DNAJC17: variants seen among roughly 807,000 people sequenced by gnomAD.
DNAJC17 encodes dnaJ homolog subfamily C member 17.
A neutral mutation model predicts 48.1 loss-of-function variants in DNAJC17; 35 were observed. That is an observed-to-expected ratio of 0.73 (90% confidence interval 0.56 to 0.96). The LOEUF is 0.96. DNAJC17 is among the 50% of genes least tolerant of loss of function. The pLI, the probability that DNAJC17 is intolerant of heterozygous loss-of-function variation, is 0.00. For missense variants in DNAJC17, 355 were observed against 377.1 expected (o/e 0.94, Z 0.48); for synonymous variants, 117 against 142.7 (o/e 0.82, Z 1.28).
chr15:40,805,914 A>G (rs1596106668), intron 1 of DNAJC17, among the ~76,000 whole-genome samples: 1 of 77,050 alleles, frequency 1.3e-5, no homozygotes, highest in Non-Finnish European at 3.5e-5. Context: ...TACTATCCAG[A>G]AAAAAAAAAT....
chr15:40,785,092 C>G (rs1329088987), intron 1 of DNAJC17, among the ~76,000 whole-genome samples: 2 of 151,892 alleles, frequency 1.3e-5, no homozygotes, highest in Non-Finnish European at 1.5e-5. Context: ...GAGTGAAAGT[C>G]CATAACAACA....
chr15:40,796,655 G>A (rs1310624449), intron 1 of DNAJC17, among the ~76,000 whole-genome samples: 1 of 152,202 alleles, frequency 6.6e-6, no homozygotes, highest in Non-Finnish European at 1.5e-5. Flanking sequence ...CTGGTGGGAA[G>A]GTTAAATGGC....
intron 1 of DNAJC17, among the ~76,000 whole-genome samples, chr15:40,785,359 A>G (rs1025649413): frequency 6.6e-6 from 1 of 152,192 alleles, no homozygotes; most frequent in South Asian, 2.1e-4. Context: ...ATGGTTCACT[A>G]AAAGAGGGCA....
intron 1 of DNAJC17, among the ~76,000 whole-genome samples, chr15:40,791,421 G>A (rs1386614805): frequency 2.0e-5 from 3 of 151,982 alleles, no homozygotes; most frequent in African/African-American, 7.3e-5. Flanking sequence ...CCAGCTACTC[G>A]GGAGGCTGAG....
intron 1 of DNAJC17, among the ~76,000 whole-genome samples, chr15:40,788,154 C>T (rs1889691384): frequency 6.6e-6 from 1 of 152,194 alleles, no homozygotes; most frequent in Non-Finnish European, 1.5e-5. Context: ...CACGTCTCCC[C>T]AAGCCCGGAG....
intron 1 of DNAJC17, among the ~76,000 whole-genome samples, chr15:40,791,406 T>C (rs1889801288): frequency 6.6e-6 from 1 of 151,940 alleles, no homozygotes; most frequent in Non-Finnish European, 1.5e-5. Flanking sequence ...CGTGTGCCTG[T>C]AGACCCAGCT....
chr15:40,768,189 A>T (rs1596069700), intron 10 of DNAJC17, 127 bp from the exon 11 acceptor site: 1 of 1,260,266 alleles, frequency 7.9e-7, no homozygotes, highest in East Asian at 2.9e-5. Context: ...GAGGAAGGGA[A>T]GGAACCCGGA....
At chr15:40,800,507 TACAG>T (rs776993259) in intron 1 of DNAJC17, among the ~76,000 whole-genome samples, 3 of 151,740 alleles carry the variant, frequency 2.0e-5, no homozygotes, top group African/African-American at 4.8e-5. Context: ...TTAATTTTTT[TACAG>T]ACAGAGTTTC....
chr15:40,787,711 T>C (rs1258808433), intron 1 of DNAJC17, among the ~76,000 whole-genome samples: 1 of 152,042 alleles, frequency 6.6e-6, no homozygotes, highest in Non-Finnish European at 1.5e-5. Context: ...GGAAGCTGGG[T>C]CTCTAGCCAC....
chr15:40,765,542 G>A lies in DNAJC17; in HGVS notation c.*2398C>T. The A allele has an allele frequency of 4.0e-6, 1 of 248,354 alleles. No homozygotes were observed. The highest frequency in any genetic ancestry group is 7.6e-6 in the Non-Finnish European group (1 of 130,908). 15.4% of individuals were successfully genotyped at this position (248,354 alleles called of 1,614,324 possible). ...GCCTCAAACTCCTCCCACCTCAAGCGATCCTCCCACCTCAGCCTCAGTAGC... is the reference window on the plus strand; with the variant it reads ...GCCTCAAACTCCTCCCACCTCAAGCAATCCTCCCACCTCAGCCTCAGTAGC... On this transcript the variant is annotated 3_prime_UTR_variant, in exon 11 of 11. Transcript: ENST00000220496.
At chr15:40,771,241 C>T (rs531074376) in intron 10 of DNAJC17, 19 of 583,146 alleles carry the variant, frequency 3.3e-5, no homozygotes, top group African/African-American at 2.4e-4. Flanking sequence ...GGGACAGAGG[C>T]AATCTGGAAA....
intron 6 of DNAJC17, 36 bp downstream of exon 6, chr15:40,776,160 C>T (rs1889312299): frequency 6.2e-7 from 1 of 1,603,998 alleles, no homozygotes; most frequent in Non-Finnish European, 8.5e-7. Flanking sequence ...CTGGAGCTAC[C>T]TTGGAGGGGA....
rs1345860469 is a variant in DNAJC17 at position 40,770,588 on chromosome 15, T to C, written c.793-2526A>G. On this transcript the variant is annotated intron_variant, in intron 10 of 10. Transcript: ENST00000220496. This position sits in a 1 kb window ranked among gnomAD's most constrained non-coding sequence, Gnocchi z 5.0. ...CACGGCGGCTCCGGCGACAGAGTAGTGTGCTTAGCCAGGCCAGCACAGCAG... is the reference window on the plus strand; with the variant it reads ...CACGGCGGCTCCGGCGACAGAGTAGCGTGCTTAGCCAGGCCAGCACAGCAG... 7 of 1,550,664 alleles carry C rather than the reference T, an allele frequency of 4.5e-6. No homozygotes were observed. Among genetic ancestry groups the C allele is most frequent in the Non-Finnish European group, 6.1e-6 (7 of 1,146,962 alleles).
Position 40,767,206 on chromosome 15 carries a change from C to A in DNAJC17, c.*734G>T, listed in dbSNP as rs755145154. ...TTGCTGTGTGCCCCTCCTCACCCCC[C>A]CCATCCTGTCTCTTTGCAGTTATGA... On this transcript the variant is annotated 3_prime_UTR_variant, in exon 11 of 11. Coordinates refer to ENST00000220496, the MANE Select transcript of DNAJC17 (RefSeq NM_018163.3). 7 of 1,486,708 alleles carry A rather than the reference C, an allele frequency of 4.7e-6. No individual in the cohort carries two copies. The Admixed American group carries it at 7.0e-5, about 15-fold the overall frequency. The allele number at this position is 1,486,708 out of a possible 1,614,324, so 92.1% of individuals were successfully genotyped here. A position where few individuals can be genotyped will look rare whatever the true frequency, so the allele number is the denominator to read the frequency against.
Position 40,767,134 on chromosome 15 carries a change from A to T in DNAJC17, c.*806T>A. On this transcript the variant is annotated 3_prime_UTR_variant, in exon 11 of 11. Transcript: ENST00000220496. The stretch of plus-strand genomic sequence containing the variant: ...CAGCCAGCAAGTGTGAGTCACTACA[A>T]GAGTGGCCAGGCTGCCTGCTGCAGA... 7.4e-7 allele frequency: 1 copy of T among 1,345,074 alleles called. No homozygotes were observed. The highest frequency in any genetic ancestry group is 9.8e-7 in the Non-Finnish European group (1 of 1,018,558). 83.3% of individuals were successfully genotyped at this position (1,345,074 alleles called of 1,614,324 possible). A position where few individuals can be genotyped will look rare whatever the true frequency, so the allele number is the denominator to read the frequency against.
chr15:40,800,327 C>T (rs1890046224), intron 1 of DNAJC17, among the ~76,000 whole-genome samples: 1 of 152,170 alleles, frequency 6.6e-6, no homozygotes, highest in Admixed American at 6.5e-5. Context: ...CTCGGCCTCC[C>T]AAAGTGCTGG....
At chr15:40,779,435 C>A in intron 3 of DNAJC17, 110 bp downstream of exon 3, 1 of 1,564,274 alleles carries the variant, frequency 6.4e-7, no homozygotes, top group Non-Finnish European at 8.8e-7. Flanking sequence ...GTCTCCTGGG[C>A]TTAGACAGCA....
At chr15:40,806,793 C>T (rs530747784) in intron 1 of DNAJC17, among the ~76,000 whole-genome samples, 1 of 152,340 alleles carries the variant, frequency 6.6e-6, no homozygotes, top group Non-Finnish European at 1.5e-5. Flanking sequence ...ACCTTCTGAT[C>T]CTCCTGCTTT....
chr15:40,800,604 G>A (rs928344232), intron 1 of DNAJC17, among the ~76,000 whole-genome samples: 3 of 149,868 alleles, frequency 2.0e-5, no homozygotes, highest in Non-Finnish European at 4.4e-5. Flanking sequence ...TTTTTTAACC[G>A]AGTTGTTTTT....
Sources: gnomAD v4.1 joint callset for allele counts (sites outside exome capture counted in the v4.1 genomes callset) on GRCh38, gnomAD v4.1.1 for gene constraint, Gnocchi (gnomAD v3.1) non-coding constraint, MANE v1.5 for transcripts, NCBI Gene and HGNC (gene_info 2026-07-23, HGNC 2026-07-21) for gene names.